The following KRT7 variants were observed in gnomAD, a reference collection of about 807,000 sequenced individuals.
KRT7 encodes the protein keratin, type II cytoskeletal 7.
In KRT7, 50 loss-of-function variants were observed where a neutral mutation model predicts 42.8. That is an observed-to-expected ratio of 1.17 (90% CI 0.93 to 1.48). The LOEUF is 1.48. Among genes scored for constraint, KRT7 ranks in the 40% most tolerant of loss-of-function variants. The pLI is 0.00. For missense variants in KRT7, 588 were observed against 637.6 expected (o/e 0.92, Z 0.84); for synonymous variants, 268 against 266.3 (o/e 1.01, Z -0.06).
At chr12:52,250,165 T>A (rs944523313), downstream of KRT7, among the ~76,000 whole-genome samples, 24 of 152,194 alleles carry the variant, frequency 1.6e-4, no homozygotes, top group Non-Finnish European at 3.2e-4. Flanking sequence ...TCCAGGCCCA[T>A]CTGTCCCTCA....
At chr12:52,243,185 G>T in intron 6 of KRT7, 48 bp downstream of exon 6, 1 of 1,568,558 alleles carries the variant, frequency 6.4e-7, no homozygotes, top group South Asian at 1.2e-5. Context: ...GCATGCAGGG[G>T]TGGCCAGCTG....
chr12:52,253,717 T>C, downstream of KRT7: 1 of 1,295,352 alleles, frequency 7.7e-7, no homozygotes. Context: ...TTGTCCATCT[T>C]GACGACCACT....
At chr12:52,233,680 T>C in intron 1 of KRT7, 60 bp downstream of exon 1, 1 of 1,550,448 alleles carries the variant, frequency 6.4e-7, no homozygotes, top group South Asian at 1.1e-5. Flanking sequence ...CCAGCCGCCC[T>C]AACTAGCCCT....
chr12:52,253,868 G>A (rs942339999), downstream of KRT7: 5 of 435,768 alleles, frequency 1.1e-5, no homozygotes, highest in Non-Finnish European at 2.3e-5. Context: ...CTTCTTCGAT[G>A]TCTGAAGCCC....
chr12:52,254,053 A>C (rs1592402222), downstream of KRT7, among the ~76,000 whole-genome samples: 1 of 152,088 alleles, frequency 6.6e-6, no homozygotes, highest in Middle Eastern at 3.4e-3. Context: ...AGAGTTTACC[A>C]CCTTGTGGCA....
chr12:52,255,245 G>A, downstream of KRT7: 1 of 433,412 alleles, frequency 2.3e-6, no homozygotes, highest in Non-Finnish European at 4.7e-6. Flanking sequence ...ACTACAGAGA[G>A]CCTGATGTTA....
Position 52,238,795 on chromosome 12 carries a change from G to T in KRT7, c.693+20G>T, listed in dbSNP as rs1304134349. ...GAGACGGTGAGGACCATGGAGCTGGGTGACATGTCTTATCCTACCCATTCT... is the reference window on the plus strand; with the variant it reads ...GAGACGGTGAGGACCATGGAGCTGGTTGACATGTCTTATCCTACCCATTCT... On this transcript the variant is annotated intron_variant, in intron 4 of 8. Transcript: ENST00000331817. The T allele has an allele frequency of 6.8e-7, 1 of 1,474,364 alleles. No homozygotes were observed. The highest frequency in any genetic ancestry group is 1.4e-5 in the African/African-American group (1 of 72,188). 91.3% of individuals were successfully genotyped at this position (1,474,364 alleles called of 1,614,324 possible).
downstream of KRT7, chr12:52,252,309 G>A (rs767160746): frequency 1.4e-5 from 23 of 1,613,866 alleles, no homozygotes; most frequent in African/African-American, 5.3e-5. Context: ...CGATCTCAAA[G>A]TCCAGGCCAG....
chr12:52,238,803 T>A, intron 4 of KRT7, 28 bp downstream of exon 4: 4 of 1,403,450 alleles, frequency 2.9e-6, no homozygotes, highest in Non-Finnish European at 4.0e-6. Flanking sequence ...GGGTGACATG[T>A]CTTATCCTAC....
chr12:52,243,185 G>A lies in KRT7; in HGVS notation c.984+48G>A, dbSNP rs1942119443. On this transcript the variant is annotated intron_variant, in intron 6 of 8. Coordinates refer to ENST00000331817, the MANE Select transcript of KRT7 (RefSeq NM_005556.4). ...CCCCTGCTACTTGGGGCATGCAGGG[G>A]TGGCCAGCTGAGGCCAAACTCAGGA... 7 of 1,568,558 alleles carry A rather than the reference G, an allele frequency of 4.5e-6. No homozygotes were observed. The East Asian group carries it at 1.6e-4, about 36-fold the overall frequency.
At chr12:52,241,846 C>A (rs1187577698) in intron 5 of KRT7, 8 of 462,734 alleles carry the variant, frequency 1.7e-5, no homozygotes, top group Non-Finnish European at 2.7e-5. Context: ...ATTATAATAG[C>A]TAAAATATGG....
intron 4 of KRT7, among the ~76,000 whole-genome samples, chr12:52,240,338 T>C (rs1299731272): frequency 6.6e-6 from 1 of 152,178 alleles, no homozygotes; most frequent in Admixed American, 6.6e-5. Context: ...AAATTGAAAA[T>C]GGATTACTTG....
intron 6 of KRT7, chr12:52,244,751 A>G: frequency 3.3e-6 from 2 of 604,722 alleles, no homozygotes; most frequent in Non-Finnish European, 4.1e-6. Flanking sequence ...CCAGGGAGAA[A>G]GTGGCAGCTG....
downstream of KRT7, among the ~76,000 whole-genome samples, chr12:52,254,602 G>A (rs1236753412): frequency 6.6e-6 from 1 of 152,176 alleles, no homozygotes; most frequent in Non-Finnish European, 1.5e-5. Context: ...TACTTCCTCT[G>A]GCACCCACTG....
At chr12:52,235,048 C>T in intron 1 of KRT7, 107 bp from the exon 2 acceptor site, 1 of 1,046,778 alleles carries the variant, frequency 9.6e-7, no homozygotes, top group Non-Finnish European at 1.4e-6. Context: ...GGGAAACAGC[C>T]AGGGGGAGCA....
At chr12:52,238,604 C>CTGCT in intron 3 of KRT7, 76 bp from the exon 4 acceptor site, 1 of 902,424 alleles carries the variant, frequency 1.1e-6, no homozygotes, top group East Asian at 2.4e-5. Context: ...CAGGGCAGGC[C>CTGCT]TGCTTCCACC....
chr12:52,251,376 T>C (rs1942264783), downstream of KRT7, among the ~76,000 whole-genome samples: 1 of 152,246 alleles, frequency 6.6e-6, no homozygotes, highest in Non-Finnish European at 1.5e-5. Context: ...TAACGGTAGC[T>C]GATGAGCTTT....
chr12:52,253,069 G>T, downstream of KRT7: 2 of 794,124 alleles, frequency 2.5e-6, no homozygotes, highest in Non-Finnish European at 2.1e-6. Context: ...AATGGAGAAC[G>T]TTTTCCATGG....
At chr12:52,248,448 A>T in intron 8 of KRT7, 143 bp from the exon 9 acceptor site, 3 of 921,452 alleles carry the variant, frequency 3.3e-6, no homozygotes, top group Admixed American at 5.2e-5. Flanking sequence ...CCCCTGTCAG[A>T]TGCTCCTTCT....
Sources: allele counts gnomAD v4.1 joint callset (sites outside exome capture counted in the v4.1 genomes callset), GRCh38; gene constraint gnomAD v4.1.1; transcripts MANE v1.5; gene names NCBI Gene and HGNC (gene_info 2026-07-23, HGNC 2026-07-21).